Variants in FGF12 observed in about 807,000 individuals in gnomAD.
The protein encoded by FGF12 is fibroblast growth factor 12.
FGF12 carries 14 observed loss-of-function variants against 23.6 expected under a neutral mutation model. The observed-to-expected ratio is 0.59, with a 90% CI of 0.39 to 0.93. The LOEUF is 0.93. Ranked by LOEUF, FGF12 falls within the 40% of genes least tolerant of loss-of-function variation. The pLI, the probability that FGF12 is intolerant of heterozygous loss-of-function variation, is 0.00. For synonymous variants in FGF12, 62 were observed against 77.3 expected (o/e 0.80, Z 1.04); for missense variants, 175 against 217.8 (o/e 0.80, Z 1.24).
chr3:192,158,332 CTCTTTCTT>C (rs375016082), intron 5 of FGF12, among the ~76,000 whole-genome samples: 9,442 of 112,204 alleles, frequency 0.084, 525 homozygotes, highest in Middle Eastern at 0.13. Flanking sequence ...TTCTTTCTTT[CTCTTTCTT>C]TCTTTCTTTC....
intron 2 of FGF12, among the ~76,000 whole-genome samples, chr3:192,432,585 C>A (rs1366747685): frequency 1.4e-5 from 2 of 138,242 alleles, no homozygotes; most frequent in South Asian, 4.5e-4. Flanking sequence ...GGGGCAAGGT[C>A]CTGTAGGAAC....
chr3:192,636,988 G>T (rs1231138486), intron 2 of FGF12, among the ~76,000 whole-genome samples: 1 of 152,182 alleles, frequency 6.6e-6, no homozygotes, highest in Admixed American at 6.5e-5. Flanking sequence ...GGCCTGCACA[G>T]AATTACCTGA....
At chr3:192,694,328 G>A (rs1432829096) in intron 2 of FGF12, among the ~76,000 whole-genome samples, 1 of 152,080 alleles carries the variant, frequency 6.6e-6, no homozygotes, top group Non-Finnish European at 1.5e-5. Context: ...ATGACGAACA[G>A]TATGAAAGTT....
chr3:192,454,274 G>A (rs965331671), intron 2 of FGF12, among the ~76,000 whole-genome samples: 6 of 152,016 alleles, frequency 3.9e-5, no homozygotes, highest in Non-Finnish European at 7.4e-5. Flanking sequence ...TCCTGACCTC[G>A]TGATCCACCC....
intron 2 of FGF12, among the ~76,000 whole-genome samples, chr3:192,436,486 G>C (rs1019218144): frequency 1.3e-5 from 2 of 152,216 alleles, no homozygotes; most frequent in Admixed American, 6.5e-5. Context: ...TGCTGCCGAT[G>C]CTGCTGATGT....
chr3:192,203,900 A>G (rs1456440251), intron 4 of FGF12, among the ~76,000 whole-genome samples: 1 of 152,156 alleles, frequency 6.6e-6, no homozygotes, highest in African/African-American at 2.4e-5. Context: ...CACCATGCCC[A>G]GCAATTTACT....
intron 4 of FGF12, among the ~76,000 whole-genome samples, chr3:192,310,353 AT>A (rs1715870149): frequency 6.6e-6 from 1 of 152,222 alleles, no homozygotes; most frequent in Non-Finnish European, 1.5e-5. Flanking sequence ...CTAAAGATAA[AT>A]ATTTAATTAT....
chr3:192,220,603 C>G (rs1267770818), intron 4 of FGF12, among the ~76,000 whole-genome samples: 1 of 152,120 alleles, frequency 6.6e-6, no homozygotes, highest in Non-Finnish European at 1.5e-5. Context: ...ACTCGACATA[C>G]TGAGATAACA....
chr3:192,458,848 AT>A (rs1238630807), intron 2 of FGF12, among the ~76,000 whole-genome samples: 1 of 152,188 alleles, frequency 6.6e-6, no homozygotes, highest in African/African-American at 2.4e-5. Context: ...CTCATCTTGA[AT>A]TGTATCCCCA....
chr3:192,347,389 T>A (rs574098025), intron 3 of FGF12, among the ~76,000 whole-genome samples: 35 of 152,158 alleles, frequency 2.3e-4, no homozygotes, highest in Non-Finnish European at 4.1e-4. Flanking sequence ...ACAATGCAGT[T>A]AAAGTTTTGA....
At chr3:192,673,296 T>C (rs1313616264) in intron 2 of FGF12, 1 of 150,968 alleles carries the variant, frequency 6.6e-6, no homozygotes, top group African/African-American at 2.4e-5. Context: ...TAAAGAACAC[T>C]GTAATACAGA....
At chr3:192,167,394 T>C (rs73887249) in intron 5 of FGF12, among the ~76,000 whole-genome samples, 13,900 of 151,866 alleles carry the variant, frequency 0.092, 925 homozygotes, top group African/African-American at 0.19. Context: ...AGGGCCAGCA[T>C]GTGTGGTTGT....
intron 2 of FGF12, among the ~76,000 whole-genome samples, chr3:192,378,842 A>G (rs771945047): frequency 2.0e-5 from 3 of 151,986 alleles, no homozygotes; most frequent in Admixed American, 6.6e-5. Context: ...TGTTGTACAG[A>G]TTATTTCGTC....
At chr3:192,381,993 A>G (rs543477748) in intron 2 of FGF12, among the ~76,000 whole-genome samples, 6 of 148,362 alleles carry the variant, frequency 4.0e-5, no homozygotes, top group Admixed American at 4.0e-4. Flanking sequence ...CTAGCATAAC[A>G]CTTTTTTTTT....
At chr3:192,318,673 A>C (rs942576156) in intron 4 of FGF12, among the ~76,000 whole-genome samples, 1 of 151,850 alleles carries the variant, frequency 6.6e-6, no homozygotes. Flanking sequence ...AGTTTATTCA[A>C]AAGAATAATA....
In FGF12 at chr3:192,393,935, G is replaced by A. The variant is rs149033867; in HGVS notation, c.14-33397C>T. On this transcript the variant is annotated intron_variant, in intron 2 of 5. Transcript: ENST00000445105. ...ATCTAAAAGGTATATCCCAAGTCTG[G>A]GAAATCTAAAAACTTGATAATTAAG... Among the ~76,000 whole-genome samples the A allele has an allele frequency of 3.0e-3, 464 of 152,200 alleles. 3 individuals carry two copies. The highest frequency in any genetic ancestry group is 0.011 in the African/African-American group (446 of 41,526).
intron 2 of FGF12, among the ~76,000 whole-genome samples, chr3:192,654,123 T>C (rs1171206735): frequency 6.6e-6 from 1 of 152,232 alleles, no homozygotes; most frequent in Non-Finnish European, 1.5e-5. Flanking sequence ...TTTGCCACTG[T>C]ATAAACAAAT....
chr3:192,565,388 C>T (rs1443081104), intron 2 of FGF12, among the ~76,000 whole-genome samples: 1 of 152,200 alleles, frequency 6.6e-6, no homozygotes, highest in Non-Finnish European at 1.5e-5. Context: ...TGAATTCGCT[C>T]ATTTTATCTG....
chr3:192,194,995 T>C (rs1716988335), intron 4 of FGF12, among the ~76,000 whole-genome samples: 1 of 152,210 alleles, frequency 6.6e-6, no homozygotes, highest in Non-Finnish European at 1.5e-5. Context: ...TCAAGTGGTT[T>C]ACAGTTTAAT....
Sources: gnomAD v4.1 joint callset for allele counts (sites outside exome capture counted in the v4.1 genomes callset) on GRCh38, gnomAD v4.1.1 for gene constraint, MANE v1.5 for transcripts, NCBI Gene and HGNC (gene_info 2026-07-23, HGNC 2026-07-21) for gene names.